The following PCDHAC1 variants were observed in gnomAD, a reference collection of about 807,000 sequenced individuals.
PCDHAC1 encodes protocadherin alpha subfamily C, 1.
A neutral mutation model predicts 60.0 loss-of-function variants in PCDHAC1; 42 were observed. The observed-to-expected ratio is 0.70, with a 90% CI of 0.55 to 0.90. The LOEUF (loss-of-function observed/expected upper bound fraction) is 0.90, where lower values mean the gene tolerates loss of function less well. Among genes scored for constraint, PCDHAC1 ranks in the 40% least tolerant of loss-of-function variants. PCDHAC1 has a pLI of 0.00. For synonymous variants in PCDHAC1, 468 were observed against 499.3 expected (o/e 0.94, Z 0.84); for missense variants, 1,160 against 1,222.3 (o/e 0.95, Z 0.76).
chr5:140,931,314 A>G (rs782684940), intron 1 of PCDHAC1, among the ~76,000 whole-genome samples: 3 of 152,176 alleles, frequency 2.0e-5, no homozygotes, highest in Non-Finnish European at 4.4e-5. Context: ...GGAGAATACC[A>G]GTAATGGCTG....
chr5:141,005,164 G>A (rs782398186), intron 3 of PCDHAC1, among the ~76,000 whole-genome samples: 2 of 152,178 alleles, frequency 1.3e-5, no homozygotes, highest in Non-Finnish European at 2.9e-5. Context: ...TAAAGAGTGG[G>A]TACCACTTTC....
intron 1 of PCDHAC1, chr5:140,968,357 C>T: frequency 6.2e-7 from 1 of 1,614,080 alleles, no homozygotes; most frequent in Non-Finnish European, 8.5e-7. Context: ...CAGTGGCAGC[C>T]TTTATGCTGT....
intron 3 of PCDHAC1, among the ~76,000 whole-genome samples, chr5:140,986,469 T>G (rs2097202307): frequency 6.6e-6 from 1 of 152,214 alleles, no homozygotes; most frequent in Non-Finnish European, 1.5e-5. Context: ...TGCCCTCTTG[T>G]GATCAGTTCC....
intron 1 of PCDHAC1, among the ~76,000 whole-genome samples, chr5:140,950,903 T>C (rs2094530592): frequency 6.6e-6 from 1 of 152,024 alleles, no homozygotes; most frequent in South Asian, 2.1e-4. Context: ...TTTATTTTAT[T>C]TTTATTTTAT....
chr5:140,999,011 A>G (rs2097843002), intron 3 of PCDHAC1, among the ~76,000 whole-genome samples: 1 of 152,246 alleles, frequency 6.6e-6, no homozygotes, highest in Non-Finnish European at 1.5e-5. Flanking sequence ...CTGAGATTTG[A>G]ACCCAAGACT....
chr5:140,965,924 C>A (rs548082207), intron 1 of PCDHAC1, among the ~76,000 whole-genome samples: 1 of 152,212 alleles, frequency 6.6e-6, no homozygotes, highest in Non-Finnish European at 1.5e-5. Context: ...TTTAGGCTTG[C>A]TCCCGGAAAG....
intron 1 of PCDHAC1, among the ~76,000 whole-genome samples, chr5:140,964,804 G>A (rs1484818069): frequency 6.6e-6 from 1 of 152,012 alleles, no homozygotes; most frequent in African/African-American, 2.4e-5. Context: ...CAAGAAAGGA[G>A]ACAGGAATAG....
At chr5:140,939,243 T>C (rs1414943094) in intron 1 of PCDHAC1, among the ~76,000 whole-genome samples, 1 of 152,168 alleles carries the variant, frequency 6.6e-6, no homozygotes, top group Non-Finnish European at 1.5e-5. Context: ...AGGAGCAAGG[T>C]AGCTCTCTGG....
chr5:141,009,923 A>T lies in PCDHAC1; in HGVS notation c.2878A>T (p.Asn960Tyr), dbSNP rs1463725058. The change falls in exon 4 of 4, where the codon AAC becomes TAC. Residue 960 changes from asparagine (N) to tyrosine (Y), a missense_variant. By Grantham distance (143) the Asn-to-Tyr change is moderately radical. Around this residue, in one of 3 missense-constraint regions of PCDHAC1, gnomAD observed 1,113 missense variants for 1,163.7 expected, o/e 0.96. Coordinates refer to ENST00000253807, the MANE Select transcript of PCDHAC1 (RefSeq NM_018898.5). ...KKEKGNSTTD[N>Y]SDQ ...AGAGAAAGGGAACAGCACGACTGAC[A>T]ACAGTGACCAGTGAGGTCCTCAAAT... 6.2e-7 allele frequency: 1 copy of T among 1,608,790 alleles called. No homozygotes were observed. The highest frequency in any genetic ancestry group is 8.5e-7 in the Non-Finnish European group (1 of 1,178,528).
chr5:140,982,286 A>C, intron 2 of PCDHAC1, 189 bp from the exon 3 acceptor site: 1 of 1,075,236 alleles, frequency 9.3e-7, no homozygotes, highest in Non-Finnish European at 1.3e-6. Flanking sequence ...GCAGGCAATA[A>C]GTAAGTCAGC....
intron 1 of PCDHAC1, among the ~76,000 whole-genome samples, chr5:140,951,465 C>G (rs1304466995): frequency 1.3e-5 from 2 of 151,966 alleles, no homozygotes; most frequent in Non-Finnish European, 2.9e-5. Context: ...TGCTTGGCTT[C>G]TGGGGAGCCT....
At chr5:141,004,492 A>G (rs2098168083) in intron 3 of PCDHAC1, among the ~76,000 whole-genome samples, 2 of 152,230 alleles carry the variant, frequency 1.3e-5, no homozygotes, top group South Asian at 2.1e-4. Context: ...AACTCTTGGC[A>G]GTCCTGCTGT....
chr5:140,966,812 C>T, intron 1 of PCDHAC1: 1 of 1,550,798 alleles, frequency 6.4e-7, no homozygotes, highest in East Asian at 2.4e-5. Flanking sequence ...GCATCCACGG[C>T]TCCGGCGGCC....
chr5:140,938,957 C>T (rs1435245997), intron 1 of PCDHAC1, among the ~76,000 whole-genome samples: 2 of 152,040 alleles, frequency 1.3e-5, no homozygotes, highest in African/African-American at 2.4e-5. Context: ...ATGCTCTAGT[C>T]GGAGTTTGGC....
Position 140,927,344 on chromosome 5 carries a change from A to G in PCDHAC1, c.452A>G (p.Asp151Gly), listed in dbSNP as rs144568777. 1.0e-4 allele frequency: 168 copies of G among 1,613,994 alleles called. No homozygotes were observed. Among genetic ancestry groups the G allele is most frequent in the Middle Eastern group, 8.2e-4 (5 of 6,062 alleles). Residue 151 changes from aspartate to glycine, a missense_variant, in exon 1 of 4, where the codon GAC becomes GGC. Transcript: ENST00000253807. ...ARFTLPNAQD[D>G]DEGSNGILSY... ...TTTACTCTCCCGAATGCCCAAGATGACGACGAGGGAAGCAATGGGATACTA... is the reference window on the plus strand; with the variant it reads ...TTTACTCTCCCGAATGCCCAAGATGGCGACGAGGGAAGCAATGGGATACTA...
At chr5:140,999,327 G>A (rs1554256745) in intron 3 of PCDHAC1, among the ~76,000 whole-genome samples, 1 of 152,200 alleles carries the variant, frequency 6.6e-6, no homozygotes, top group Non-Finnish European at 1.5e-5. Context: ...ATTGATCTGT[G>A]TGATTTATAA....
At chr5:140,989,723 G>A (rs2097356372) in intron 3 of PCDHAC1, among the ~76,000 whole-genome samples, 1 of 152,180 alleles carries the variant, frequency 6.6e-6, no homozygotes, top group African/African-American at 2.4e-5. Flanking sequence ...CAGCTTTGCA[G>A]TTGAAAAGGC....
At chr5:141,001,653 G>A (rs2098030504) in intron 3 of PCDHAC1, among the ~76,000 whole-genome samples, 1 of 152,182 alleles carries the variant, frequency 6.6e-6, no homozygotes, top group African/African-American at 2.4e-5. Context: ...TGTGGGAGAA[G>A]GCGGAGCTTG....
intron 3 of PCDHAC1, among the ~76,000 whole-genome samples, chr5:140,997,463 C>A (rs2097770932): frequency 6.6e-6 from 1 of 152,198 alleles, no homozygotes; most frequent in Admixed American, 6.5e-5. Context: ...ATACTGTAGG[C>A]AATTTTTACA....
Sources: allele counts gnomAD v4.1 joint callset (sites outside exome capture counted in the v4.1 genomes callset), GRCh38; gene constraint gnomAD v4.1.1; regional missense constraint gnomAD v4.1.1; transcripts MANE v1.5; gene names NCBI Gene and HGNC (gene_info 2026-07-23, HGNC 2026-07-21).